The following ADGRG6 variants were observed in gnomAD, a reference collection of about 807,000 sequenced individuals.
ADGRG6 encodes G-protein coupled receptor 126.
In ADGRG6, 84 loss-of-function variants were observed where a neutral mutation model predicts 142.4. The ratio of observed to expected loss-of-function variants is 0.59; its 90% CI spans 0.49 to 0.71. The LOEUF (loss-of-function observed/expected upper bound fraction) is 0.71, where lower values mean the gene tolerates loss of function less well. Ranked by LOEUF, ADGRG6 falls within the 30% of genes least tolerant of loss-of-function variation. The probability of loss-of-function intolerance (pLI) is 0.00; values close to 1 mark genes in which losing one functional copy is unlikely to be tolerated. For synonymous variants in ADGRG6, 521 were observed against 520.5 expected, an observed-to-expected ratio of 1.00 and a Z score of -0.01; for missense variants, 1,367 against 1,466.6, an observed-to-expected ratio of 0.93 and a Z score of 1.11.
chr6:142,369,047 GAT>G lies in ADGRG6; in HGVS notation c.446-1122_446-1121del, dbSNP rs949028726. ...CATGATTCCTTTAAATTCTATCATA[GAT>G]TTTTACTAGAATAGTTATACTAAAA... On this transcript the variant is annotated intron_variant, in intron 3 of 24. Transcript: ENST00000367609. Among the ~76,000 whole-genome samples, 10 of 152,172 alleles carry G rather than the reference GAT, an allele frequency of 6.6e-5. No homozygotes were observed. In the East Asian group the frequency reaches 1.9e-3, roughly 29 times the overall value.
At chr6:142,433,664 C>T (rs769618298) in intron 22 of ADGRG6, among the ~76,000 whole-genome samples, 2 of 152,224 alleles carry the variant, frequency 1.3e-5, no homozygotes, top group Non-Finnish European at 2.9e-5. Flanking sequence ...CCAACTCTTC[C>T]TCCCCAACCT....
chr6:142,302,167 G>A lies in ADGRG6; in HGVS notation c.-163G>A. 1 of 689,378 alleles carries A rather than the reference G, an allele frequency of 1.5e-6. No individual in the cohort carries two copies. Among genetic ancestry groups the A allele is most frequent in the Non-Finnish European group, 2.3e-6 (1 of 427,846 alleles). The allele number at this position is 689,378 out of a possible 1,614,324, so 42.7% of individuals were successfully genotyped here. ...CGCCCAGGGTTCACCTTGCGCCGTC[G>A]GGAAAGCCCATGAACTCTCCAGAAA... On this transcript the variant is annotated 5_prime_UTR_variant, in exon 1 of 25. Transcript: ENST00000367609.
At position 142,374,557 on chromosome 6, in the gene ADGRG6, A is replaced by G. The variant is rs1781406445; in HGVS notation, c.1069+3764A>G. Reference sequence around the variant, plus strand: ...TTACTTTAGCCCTTAGCAACCCCTTATTCTTCCCACTCCAGCCCCCTTTTT... The same window carrying G: ...TTACTTTAGCCCTTAGCAACCCCTTGTTCTTCCCACTCCAGCCCCCTTTTT... On this transcript the variant is annotated intron_variant, in intron 4 of 24. Coordinates refer to ENST00000367609, the MANE Select transcript of ADGRG6 (RefSeq NM_198569.3). 2.0e-5 allele frequency among the ~76,000 whole-genome samples: 3 copies of G among 152,078 alleles called. 1 individual carries two copies. The South Asian group carries it at 6.2e-4, about 31-fold the overall frequency.
At chr6:142,425,120 G>C (rs1404572558) in intron 22 of ADGRG6, among the ~76,000 whole-genome samples, 26 of 152,214 alleles carry the variant, frequency 1.7e-4, no homozygotes, top group Admixed American at 1.6e-3. Context: ...GCAAGGACTA[G>C]ACCAGAAGGC....
rs779607304 is a variant in ADGRG6, at chr6:142,370,193, A to C, written c.469A>C (p.Lys157Gln). 2.5e-6 allele frequency: 4 copies of C among 1,604,014 alleles called. No homozygotes were observed. In the South Asian group the frequency reaches 4.4e-5, roughly 18 times the overall value. ...IRVAVSLRNQ[K>Q]VILPQTSDAY... ...AGTTGCCGTGTCCTTAAGGAATCAA[A>C]AGGTCATTTTACCCCAGACATCAGA... is the stretch of plus-strand genomic sequence containing the variant. Residue 157 changes from lysine to glutamine, a missense_variant, in exon 4 of 25, where the codon AAG (lysine) becomes CAG (glutamine). Physicochemically the swap from Lys to Gln is moderately conservative, Grantham distance 53 (BLOSUM62 1). This residue lies in a region of ADGRG6 where 737 missense variants were observed against 746.5 expected (regional missense o/e 0.99). Transcript: ENST00000367609.
chr6:142,370,414 ATGTT>A lies in ADGRG6; in HGVS notation c.695_698del (p.Leu232Ter). 1 of 1,613,700 alleles carries A rather than the reference ATGTT, an allele frequency of 6.2e-7. No individual in the cohort carries two copies. The highest frequency in any genetic ancestry group is 2.2e-5 in the East Asian group (1 of 44,876). On this transcript the variant is annotated frameshift_variant, in exon 4 of 25. Coordinates refer to ENST00000367609, the MANE Select transcript of ADGRG6 (RefSeq NM_198569.3). LOFTEE classifies it high-confidence loss of function. ...ACTTTCTATCCATTTCTGATTCAAA[ATGTT>A]TGTTGAATAATGCATTACCTGTCAA...
chr6:142,305,429 TACACACACACAC>T lies in ADGRG6; in HGVS notation c.2+3128_2+3139del, dbSNP rs5880531. Among the ~76,000 whole-genome samples, 371 of 120,856 alleles carry T rather than the reference TACACACACACAC, an allele frequency of 3.1e-3. 2 individuals are homozygous for T. The highest frequency in any genetic ancestry group is 0.012 in the African/African-American group (340 of 28,600). The allele number at this position is 120,856 out of a possible 152,430, so 79.3% of individuals were successfully genotyped here. A position where few individuals can be genotyped will look rare whatever the true frequency, so the allele number is the denominator to read the frequency against. ...TGCCCCCCCCCACGAGCCCCTCCTG[TACACACACACAC>T]ACACACACACACACACACACACACA... On this transcript the variant is annotated intron_variant, in intron 1 of 24. Coordinates refer to ENST00000367609, the MANE Select transcript of ADGRG6 (RefSeq NM_198569.3).
At chr6:142,312,910 G>A (rs78496313) in intron 2 of ADGRG6, among the ~76,000 whole-genome samples, 1 of 151,996 alleles carries the variant, frequency 6.6e-6, no homozygotes, top group Non-Finnish European at 1.5e-5. Context: ...AGCTATTCAT[G>A]ATAATAATGT....
chr6:142,369,088 T>C (rs1278802286), intron 3 of ADGRG6, among the ~76,000 whole-genome samples: 3 of 152,212 alleles, frequency 2.0e-5, no homozygotes, highest in Admixed American at 2.0e-4. Flanking sequence ...TGTTTTATTA[T>C]AGAACTATTC....
At chr6:142,344,049 G>C (rs1179674624) in intron 2 of ADGRG6, among the ~76,000 whole-genome samples, 1 of 151,814 alleles carries the variant, frequency 6.6e-6, no homozygotes, top group African/African-American at 2.4e-5. Flanking sequence ...ATTTTCTTTT[G>C]GTTGGAAGAC....
intron 8 of ADGRG6, among the ~76,000 whole-genome samples, 197 bp from the exon 9 acceptor site, chr6:142,393,699 T>G (rs1775025845): frequency 6.6e-6 from 1 of 152,154 alleles, no homozygotes; most frequent in Admixed American, 6.6e-5. Context: ...TGTAATAATA[T>G]GAATTGTGAA....
intron 24 of ADGRG6, among the ~76,000 whole-genome samples, chr6:142,440,289 T>C (rs183399556): frequency 4.0e-4 from 61 of 152,150 alleles, no homozygotes; most frequent in Non-Finnish European, 5.7e-4. Flanking sequence ...ATTATTTTAT[T>C]TTATTTATTT....
At chr6:142,407,863 T>C (rs1464336607) in intron 15 of ADGRG6, among the ~76,000 whole-genome samples, 1 of 152,210 alleles carries the variant, frequency 6.6e-6, no homozygotes, top group African/African-American at 2.4e-5. Flanking sequence ...TGAGTCTGCA[T>C]TGTTTCAGTT....
In ADGRG6 at chr6:142,422,677, C is replaced by T. The variant is rs1269884485; in HGVS notation, c.3319+2573C>T. ...TGATTTATAGTCCTTTGGGTATATA[C>T]CCAGTAATGGGATGGCTGGGTCAAA... On this transcript the variant is annotated intron_variant, in intron 22 of 24. Coordinates refer to ENST00000367609, the MANE Select transcript of ADGRG6 (RefSeq NM_198569.3). 8.1e-5 allele frequency among the ~76,000 whole-genome samples: 12 copies of T among 148,470 alleles called. 1 individual carries two copies. Among genetic ancestry groups the T allele is most frequent in the Admixed American group, 4.7e-4 (7 of 14,754 alleles).
chr6:142,440,469 G>A (rs968537658), intron 24 of ADGRG6, among the ~76,000 whole-genome samples: 7 of 151,720 alleles, frequency 4.6e-5, no homozygotes, highest in African/African-American at 1.7e-4. Flanking sequence ...TCTAATTTTT[G>A]TATTTTTGTA....
At chr6:142,390,837 A>C (rs1396438316) in intron 7 of ADGRG6, among the ~76,000 whole-genome samples, 1 of 151,864 alleles carries the variant, frequency 6.6e-6, no homozygotes, top group African/African-American at 2.4e-5. Flanking sequence ...TTCTTTGTGC[A>C]CATGAAAGAA....
intron 14 of ADGRG6, 44 bp downstream of exon 14, chr6:142,404,017 C>T (rs1775672632): frequency 1.4e-6 from 2 of 1,423,334 alleles, no homozygotes; most frequent in African/African-American, 1.4e-5. Flanking sequence ...ATTAGTTAGA[C>T]ATATAAAAAC....
intron 11 of ADGRG6, among the ~76,000 whole-genome samples, chr6:142,401,341 A>G (rs538643698): frequency 2.0e-5 from 3 of 152,318 alleles, no homozygotes; most frequent in African/African-American, 7.2e-5. Flanking sequence ...ATTCCATTTA[A>G]TCTTCTATAA....
At chr6:142,344,157 A>T (rs980093969) in intron 2 of ADGRG6, among the ~76,000 whole-genome samples, 1 of 151,932 alleles carries the variant, frequency 6.6e-6, no homozygotes, top group Non-Finnish European at 1.5e-5. Context: ...GTGAAAAAAA[A>T]TCCTTCCCTA....
Sources: allele counts gnomAD v4.1 joint callset (sites outside exome capture counted in the v4.1 genomes callset), GRCh38; gene constraint gnomAD v4.1.1; regional missense constraint gnomAD v4.1.1; transcripts MANE v1.5; gene names NCBI Gene and HGNC (gene_info 2026-07-23, HGNC 2026-07-21).